The following PLXNA1 variants were observed in gnomAD, a reference collection of about 807,000 sequenced individuals.
The protein encoded by PLXNA1 is plexin A1, also known as plexin-A1.
In PLXNA1, 77 loss-of-function variants were observed where a neutral mutation model predicts 191.7. The observed-to-expected ratio is 0.40, with a 90% CI of 0.33 to 0.49. The LOEUF (loss-of-function observed/expected upper bound fraction) is 0.49. Ranked by LOEUF, PLXNA1 falls within the 20% of genes least tolerant of loss-of-function variation. The pLI, the probability that PLXNA1 is intolerant of heterozygous loss-of-function variation, is 0.63. For synonymous variants in PLXNA1, 1,137 were observed against 1,156.4 expected (o/e 0.98, Z 0.34); for missense variants, 2,110 against 2,660.2 (o/e 0.79, Z 4.55).
intron 2 of PLXNA1, 75 bp downstream of exon 2, chr3:126,989,862 C>A: frequency 1.6e-6 from 2 of 1,261,676 alleles, no homozygotes; most frequent in Non-Finnish European, 2.2e-6. Flanking sequence ...GTCAGATGCA[C>A]GCCCAGTGGT....
chr3:127,009,969 C>G (rs965914007), intron 9 of PLXNA1, among the ~76,000 whole-genome samples: 1 of 152,192 alleles, frequency 6.6e-6, no homozygotes, highest in Non-Finnish European at 1.5e-5. Flanking sequence ...GAGTGTGGTT[C>G]GTGTCTTCAC....
At chr3:127,010,353 A>T in intron 9 of PLXNA1, among the ~76,000 whole-genome samples, 1 of 152,300 alleles carries the variant, frequency 6.6e-6, no homozygotes, top group South Asian at 2.1e-4. Flanking sequence ...CTCCTGTCAG[A>T]GTCAGAGTCA....
In PLXNA1 at chr3:126,994,011, TCTC is replaced by T. The variant is rs143635973; in HGVS notation, c.1377+2449_1377+2451del. Among the ~76,000 whole-genome samples the T allele has an allele frequency of 6.6e-3, 1,011 of 152,252 alleles. 7 individuals carry two copies. The highest frequency in any genetic ancestry group is 0.011 in the Non-Finnish European group (740 of 68,010). ...CGTCCAGCCTCTCTGAGCCTTGGTG[TCTC>T]CTCGTACCATGCGGACCTGGCATGC... On this transcript the variant is annotated intron_variant, in intron 3 of 31. Transcript: ENST00000393409.
chr3:127,031,406 G>T (rs1342992693), intron 29 of PLXNA1, among the ~76,000 whole-genome samples: 1 of 152,136 alleles, frequency 6.6e-6, no homozygotes, highest in Non-Finnish European at 1.5e-5. Flanking sequence ...CCCACACCTG[G>T]GGTCAGGTGG....
Position 127,018,540 on chromosome 3 carries a change from C to T in PLXNA1, c.3895+12C>T, listed in dbSNP as rs1240196919. The T allele has an allele frequency of 6.3e-7, 1 of 1,593,712 alleles. No homozygotes were observed. Among genetic ancestry groups the T allele is most frequent in the East Asian group, 2.2e-5 (1 of 44,470 alleles). ...CGAATGCAAGGAAGGTCTGTTGGGG[C>T]CAGGGCTCACTGGGGCAACTGCCAC... On this transcript the variant is annotated intron_variant, in intron 20 of 31. Coordinates refer to ENST00000393409, the MANE Select transcript of PLXNA1 (RefSeq NM_032242.4).
At chr3:127,032,281 A>G in intron 29 of PLXNA1, 106 bp from the exon 30 acceptor site, 1 of 1,170,188 alleles carries the variant, frequency 8.5e-7, no homozygotes, top group Admixed American at 2.1e-5. Context: ...CCCCGTCTGC[A>G]TGGAAAGCCA....
At chr3:127,021,105 T>C (rs1328201682) in intron 21 of PLXNA1, among the ~76,000 whole-genome samples, 1 of 152,160 alleles carries the variant, frequency 6.6e-6, no homozygotes, top group African/African-American at 2.4e-5. Context: ...GGGGAGCCCA[T>C]GTCCCTTGTG....
At chr3:126,986,547 C>A (rs557283755) in intron 1 of PLXNA1, among the ~76,000 whole-genome samples, 10 of 152,162 alleles carry the variant, frequency 6.6e-5, no homozygotes, top group Non-Finnish European at 1.5e-4. Context: ...GCTGGCCCTC[C>A]GCATACCCTT....
At chr3:127,007,142 G>C (rs1206909898) in intron 8 of PLXNA1, among the ~76,000 whole-genome samples, 2 of 152,190 alleles carry the variant, frequency 1.3e-5, no homozygotes, top group Non-Finnish European at 2.9e-5. Flanking sequence ...GAAGCAGGGT[G>C]GTGGGGGAGC....
chr3:126,998,181 G>T (rs1252580397), intron 3 of PLXNA1, among the ~76,000 whole-genome samples: 2 of 152,198 alleles, frequency 1.3e-5, no homozygotes, highest in Non-Finnish European at 1.5e-5. Flanking sequence ...GCCTTTTGGG[G>T]TTTCAGGGGC....
At position 127,012,102 on chromosome 3, in the gene PLXNA1, G is replaced by A. The variant is rs375908488; in HGVS notation, c.2257G>A (p.Ala753Thr). Residue 753 changes from alanine (A) to threonine (T), a missense_variant, in exon 10 of 32, where the codon GCC becomes ACC. Coordinates refer to ENST00000393409, the MANE Select transcript of PLXNA1 (RefSeq NM_032242.4). ...ECLFHIPGSP[A>T]RVTALRFNSS... The stretch of plus-strand genomic sequence containing the variant: ...CCTCTTCCACATCCCGGGCAGCCCG[G>A]CCCGTGTCACCGCCCTGCGCTTCAA... The A allele has an allele frequency of 7.4e-6, 12 of 1,613,342 alleles. No individual in the cohort carries two copies. Among genetic ancestry groups the A allele is most frequent in the African/African-American group, 1.3e-5 (1 of 74,942 alleles).
In PLXNA1 at chr3:127,011,994, G is replaced by A. The variant is rs755897446; in HGVS notation, c.2149G>A (p.Val717Met). Reference sequence around the variant, plus strand: ...GATCCTGCCCTCCACGCAGATCTACGTGCCAGTGGGAGTGGTAAAACCCAT... The same window carrying A: ...GATCCTGCCCTCCACGCAGATCTACATGCCAGTGGGAGTGGTAAAACCCAT... ...PQILPSTQIYVPVGVVKPITL... is the reference protein window; with the variant it reads ...PQILPSTQIYMPVGVVKPITL... Residue 717 changes from valine to methionine, a missense_variant, in exon 10 of 32, where the codon GTG becomes ATG. Val to Met is a conservative substitution (Grantham distance 21, BLOSUM62 1). This residue lies in a region of PLXNA1 where 903 missense variants were observed against 1,015.7 expected (regional missense o/e 0.89). Transcript: ENST00000393409. The A allele has an allele frequency of 2.5e-5, 40 of 1,613,576 alleles. No homozygotes were observed. Among genetic ancestry groups the A allele is most frequent in the Admixed American group, 1.8e-4 (11 of 60,010 alleles).
rs755287048 is a variant in PLXNA1 at position 127,014,002 on chromosome 3, G to A, written c.2314-18G>A. 9 of 1,609,368 alleles carry A rather than the reference G, an allele frequency of 5.6e-6. No homozygotes were observed. The highest frequency in any genetic ancestry group is 1.3e-5 in the African/African-American group (1 of 74,936). ...AGGCCGCTTAGCTGGGAAGCCTGAC[G>A]GTGCCATCACCTAACAGTACTCCTA... On this transcript the variant is annotated intron_variant, in intron 10 of 31. Transcript: ENST00000393409.
intron 10 of PLXNA1, among the ~76,000 whole-genome samples, chr3:127,013,300 T>A (rs1288508987): frequency 6.9e-6 from 1 of 145,268 alleles, no homozygotes; most frequent in Non-Finnish European, 1.5e-5. Context: ...TCCCTTCAGC[T>A]GTGTTTAAAG....
rs762958945 is a variant in PLXNA1 at position 127,005,198 on chromosome 3, C to T, written c.1852C>T (p.Arg618Cys). The stretch of plus-strand genomic sequence containing the variant: ...CCTGGAGGATGGCCGGATCCACTGC[C>T]GCTCACCCTCCGCCCGGGAGGTGGC... ...SVLEDGRIHCRSPSAREVAPI... is the reference protein window; with the variant it reads ...SVLEDGRIHCCSPSAREVAPI... Residue 618 changes from arginine to cysteine, a missense_variant, in exon 7 of 32, where the codon CGC (arginine) becomes TGC (cysteine). Around this residue, in one of 4 missense-constraint regions of PLXNA1, gnomAD observed 903 missense variants for 1,015.7 expected, o/e 0.89. Coordinates refer to ENST00000393409, the MANE Select transcript of PLXNA1 (RefSeq NM_032242.4). The T allele has an allele frequency of 1.9e-5, 30 of 1,611,814 alleles. No individual in the cohort carries two copies. Among genetic ancestry groups the T allele is most frequent in the Admixed American group, 3.3e-5 (2 of 59,896 alleles).
At chr3:126,993,937 A>G (rs561344930) in intron 3 of PLXNA1, among the ~76,000 whole-genome samples, 93 of 152,276 alleles carry the variant, frequency 6.1e-4, no homozygotes, top group Middle Eastern at 3.4e-3. Flanking sequence ...GCTGCATGTC[A>G]TTGTGGGTCC....
At chr3:127,004,536 T>C in intron 4 of PLXNA1, 75 bp from the exon 5 acceptor site, 1 of 998,010 alleles carries the variant, frequency 1.0e-6, no homozygotes, top group Non-Finnish European at 1.6e-6. Context: ...GAGAGCAGAG[T>C]AGGGAGTCAG....
chr3:127,020,184 C>G lies in PLXNA1; in HGVS notation c.3896-18C>G. ...GGCCACCAGGGCATGCTGCCCCTGA[C>G]GCCGCATCTGGCCACAGCCTTTGCA... is the stretch of plus-strand genomic sequence containing the variant. On this transcript the variant is annotated intron_variant, in intron 20 of 31. Coordinates refer to ENST00000393409, the MANE Select transcript of PLXNA1 (RefSeq NM_032242.4). 1 of 1,611,092 alleles carries G rather than the reference C, an allele frequency of 6.2e-7. No homozygotes were observed. Among genetic ancestry groups the G allele is most frequent in the Non-Finnish European group, 8.5e-7 (1 of 1,179,238 alleles).
chr3:126,996,249 A>G (rs1267057992), intron 3 of PLXNA1, among the ~76,000 whole-genome samples: 4 of 152,084 alleles, frequency 2.6e-5, no homozygotes, highest in Non-Finnish European at 4.4e-5. Context: ...CCGCCCGGCC[A>G]TCTTCCTCTC....
Sources: gnomAD v4.1 joint callset for allele counts (sites outside exome capture counted in the v4.1 genomes callset) on GRCh38, gnomAD v4.1.1 for gene constraint, gnomAD v4.1.1 regional missense constraint, MANE v1.5 for transcripts, NCBI Gene and HGNC (gene_info 2026-07-23, HGNC 2026-07-21) for gene names.